The following VASP variants were observed in gnomAD, a reference collection of about 807,000 sequenced individuals.
VASP encodes the protein vasodilator-stimulated phosphoprotein.
Under a neutral mutation model 54.4 loss-of-function variants are expected in VASP, and 27 were observed. That is an observed-to-expected ratio of 0.50 (90% confidence interval 0.37 to 0.68). The LOEUF is 0.68. Ranked by LOEUF, VASP falls within the 30% of genes least tolerant of loss-of-function variation. The pLI is 0.00. For synonymous variants in VASP, 233 were observed against 209.8 expected (o/e 1.11, Z -0.96); for missense variants, 488 against 528.3 (o/e 0.92, Z 0.75).
chr19:45,524,025 G>A, intron 9 of VASP, 72 bp from the exon 10 acceptor site: 1 of 1,611,812 alleles, frequency 6.2e-7, no homozygotes, highest in Non-Finnish European at 8.5e-7. Context: ...GGGCTGATGA[G>A]GTTGGGGGAG....
intron 7 of VASP, among the ~76,000 whole-genome samples, chr19:45,523,261 G>A (rs1236322422): frequency 1.5e-5 from 2 of 130,464 alleles, no homozygotes; most frequent in Non-Finnish European, 3.1e-5. Flanking sequence ...GGAGTGCAGT[G>A]GTATGATCTC....
At chr19:45,519,493 G>T (rs1314766068) in intron 3 of VASP, among the ~76,000 whole-genome samples, 2 of 148,386 alleles carry the variant, frequency 1.3e-5, no homozygotes, top group African/African-American at 5.0e-5. Flanking sequence ...TGTGGAGATG[G>T]TCTACAGGCT....
intron 1 of VASP, among the ~76,000 whole-genome samples, chr19:45,515,741 T>C (rs770734070): frequency 1.3e-5 from 2 of 152,128 alleles, no homozygotes; most frequent in South Asian, 2.1e-4. Context: ...TTTCACCATG[T>C]TGCCCAGGCT....
intron 1 of VASP, among the ~76,000 whole-genome samples, chr19:45,508,469 G>T (rs1423085143): frequency 1.3e-5 from 2 of 152,124 alleles, no homozygotes; most frequent in Non-Finnish European, 2.9e-5. Context: ...CCGAGCGGGC[G>T]CTCGGAGCAG....
chr19:45,520,439 G>T (rs934545083), intron 3 of VASP, among the ~76,000 whole-genome samples: 1 of 152,242 alleles, frequency 6.6e-6, no homozygotes, highest in Non-Finnish European at 1.5e-5. Context: ...AGGGGTGTTT[G>T]CTTCGTGGGA....
In VASP at chr19:45,523,837, C is replaced by T. The variant is rs374336105; in HGVS notation, c.874-4C>T. On this transcript the variant is annotated splice_region_variant and splice_polypyrimidine_tract_variant and intron_variant, in intron 8 of 12. Coordinates refer to ENST00000245932, the MANE Select transcript of VASP (RefSeq NM_003370.4). ...TGGCTCATGGCAGTTTTATTTCCTACCAGCAGGAGGAGCCAGAGGCCAGAG... is the reference window on the plus strand; with the variant it reads ...TGGCTCATGGCAGTTTTATTTCCTATCAGCAGGAGGAGCCAGAGGCCAGAG... 2 of 1,613,870 alleles carry T rather than the reference C, an allele frequency of 1.2e-6. No individual in the cohort carries two copies. The highest frequency in any genetic ancestry group is 2.7e-5 in the African/African-American group (2 of 74,860).
intron 1 of VASP, among the ~76,000 whole-genome samples, chr19:45,516,174 G>T (rs368538957): frequency 6.6e-6 from 1 of 152,194 alleles, no homozygotes; most frequent in Non-Finnish European, 1.5e-5. Flanking sequence ...GGTTGGTACC[G>T]TCTGGGGACA....
chr19:45,522,535 G>T lies in VASP; in HGVS notation c.674G>T (p.Gly225Val). 2 of 1,455,994 alleles carry T rather than the reference G, an allele frequency of 1.4e-6. No individual in the cohort carries two copies. The highest frequency in any genetic ancestry group is 1.8e-6 in the Non-Finnish European group (2 of 1,109,678). The allele number at this position is 1,455,994 out of a possible 1,614,324, so 90.2% of individuals were successfully genotyped here. The change falls in exon 6 of 13, where the codon GGC becomes GTC. Residue 225 changes from glycine to valine, a missense_variant. By Grantham distance (109) the Gly-to-Val change is moderately radical. Transcript: ENST00000245932. Reference protein sequence around the residue: ...GPGGGGAGAPGLAAAIAGAKL... With the variant: ...GPGGGGAGAPVLAAAIAGAKL... ...GGTGGTGGGGGAGCTGGGGCCCCAG[G>T]CCTGGCCGCAGCTATTGCTGGAGCC...
At chr19:45,508,362 C>T (rs538188554) in intron 1 of VASP, among the ~76,000 whole-genome samples, 49 of 152,280 alleles carry the variant, frequency 3.2e-4, no homozygotes, top group Middle Eastern at 3.4e-3. Flanking sequence ...CTGGTGTGAA[C>T]CGATCCAGGG....
chr19:45,521,794 CAGG>C (rs1477268610), intron 4 of VASP, among the ~76,000 whole-genome samples: 2 of 151,432 alleles, frequency 1.3e-5, no homozygotes, highest in Admixed American at 6.6e-5. Context: ...CAGGCCGAGG[CAGG>C]AGAATCGCTT....
chr19:45,522,094 C>T (rs1007532908), intron 4 of VASP, 74 bp from the exon 5 acceptor site: 20 of 1,598,632 alleles, frequency 1.3e-5, no homozygotes, highest in East Asian at 2.2e-5. Flanking sequence ...AGAGAGAGGA[C>T]GGAGGTCGCT....
Position 45,507,764 on chromosome 19 carries a change from G to C in VASP, c.-8G>C. The C allele has an allele frequency of 6.6e-7, 1 of 1,510,018 alleles. No homozygotes were observed. 93.5% of individuals were successfully genotyped at this position (1,510,018 alleles called of 1,614,324 possible). On this transcript the variant is annotated 5_prime_UTR_variant, in exon 1 of 13. Coordinates refer to ENST00000245932, the MANE Select transcript of VASP (RefSeq NM_003370.4). The surrounding 1 kb of genome is among the most constrained non-coding windows in gnomAD (Gnocchi z 4.4). ...CCCGTGGGCGAGCCGCCCGCCCGCCGAGCAGCCATGAGGTGAGCCGGACCT... is the reference window on the plus strand; with the variant it reads ...CCCGTGGGCGAGCCGCCCGCCCGCCCAGCAGCCATGAGGTGAGCCGGACCT...
At chr19:45,525,695 CA>C (rs546240891) in intron 11 of VASP, 13,604 of 308,680 alleles carry the variant, frequency 0.044, no homozygotes, top group South Asian at 0.074. Context: ...GACTCTGTTT[CA>C]AAAAAAAAAA....
intron 11 of VASP, 76 bp downstream of exon 11, chr19:45,524,736 T>G: frequency 7.1e-7 from 1 of 1,407,022 alleles, no homozygotes; most frequent in Middle Eastern, 1.8e-4. Flanking sequence ...TGCCGTATGA[T>G]CCTAGATAAC....
At chr19:45,517,447 GTC>G (rs1156532781) in intron 1 of VASP, among the ~76,000 whole-genome samples, 3 of 150,744 alleles carry the variant, frequency 2.0e-5, no homozygotes, top group Non-Finnish European at 4.4e-5. Context: ...CTCTCTCTGC[GTC>G]TGTCTCTTGC....
intron 1 of VASP, among the ~76,000 whole-genome samples, chr19:45,512,096 G>A (rs1037543176): frequency 1.3e-5 from 2 of 152,088 alleles, no homozygotes; most frequent in Admixed American, 6.5e-5. Context: ...GCTGCAGTAA[G>A]CTGAGATTAC....
Position 45,523,843 on chromosome 19 carries a change from G to A in VASP, c.876G>A (p.Gln292=), listed in dbSNP as rs918012981. Residue 292 remains glutamine (Q), a splice_region_variant and synonymous_variant, in exon 9 of 13, where the codon CAG becomes CAA. Coordinates refer to ENST00000245932, the MANE Select transcript of VASP (RefSeq NM_003370.4). ...EKTPKDESAN[Q]EEPEARVPAQ... The stretch of plus-strand genomic sequence containing the variant: ...ATGGCAGTTTTATTTCCTACCAGCA[G>A]GAGGAGCCAGAGGCCAGAGTCCCGG... The A allele has an allele frequency of 6.2e-7, 1 of 1,613,964 alleles. No individual in the cohort carries two copies. Among genetic ancestry groups the A allele is most frequent in the Non-Finnish European group, 8.5e-7 (1 of 1,180,034 alleles).
chr19:45,519,394 T>C (rs1401475684), intron 3 of VASP, among the ~76,000 whole-genome samples: 2 of 152,142 alleles, frequency 1.3e-5, no homozygotes, highest in African/African-American at 2.4e-5. Flanking sequence ...TCCACCTGCC[T>C]CTGCCTCCCA....
intron 1 of VASP, 30 bp from the exon 2 acceptor site, chr19:45,517,633 G>C: frequency 6.3e-7 from 1 of 1,595,246 alleles, no homozygotes; most frequent in Non-Finnish European, 8.5e-7. Flanking sequence ...GAAGGTGACC[G>C]GCCCCTCTCC....
Sources: gnomAD v4.1 joint callset for allele counts (sites outside exome capture counted in the v4.1 genomes callset) on GRCh38, gnomAD v4.1.1 for gene constraint, Gnocchi (gnomAD v3.1) non-coding constraint, MANE v1.5 for transcripts, NCBI Gene and HGNC (gene_info 2026-07-23, HGNC 2026-07-21) for gene names.